KCNJ3: variants seen among roughly 807,000 people sequenced by gnomAD.
KCNJ3 encodes the protein potassium inwardly rectifying channel subfamily J member 3, also known as G protein-activated inward rectifier potassium channel 1.
A neutral mutation model predicts 39.2 loss-of-function variants in KCNJ3; 4 were observed. That is an observed-to-expected ratio of 0.10 (90% confidence interval 0.05 to 0.23). KCNJ3 has a LOEUF of 0.23. Among genes scored for constraint, KCNJ3 ranks in the 10% least tolerant of loss-of-function variants. KCNJ3 has a pLI of 1.00. For synonymous variants in KCNJ3, 230 were observed against 237.4 expected, an observed-to-expected ratio of 0.97 and a Z score of 0.29; for missense variants, 276 against 634.9, an observed-to-expected ratio of 0.43 and a Z score of 6.08.
At chr2:154,842,881 C>G (rs1304747513) in intron 2 of KCNJ3, among the ~76,000 whole-genome samples, 1 of 152,124 alleles carries the variant, frequency 6.6e-6, no homozygotes, top group Non-Finnish European at 1.5e-5. Context: ...TGCGTCTTGA[C>G]TCTTTATCCA....
chr2:154,786,957 A>T (rs1187172091), intron 2 of KCNJ3, among the ~76,000 whole-genome samples: 1 of 152,184 alleles, frequency 6.6e-6, no homozygotes, highest in African/African-American at 2.4e-5. Flanking sequence ...TTAATTTGTT[A>T]TTCTAAAATT....
At chr2:154,815,367 G>A (rs1443230052) in intron 2 of KCNJ3, among the ~76,000 whole-genome samples, 1 of 152,088 alleles carries the variant, frequency 6.6e-6, no homozygotes, top group Non-Finnish European at 1.5e-5. Context: ...ATCAATAATT[G>A]GTAATAGCAA....
At chr2:154,824,409 A>G (rs1201372206) in intron 2 of KCNJ3, among the ~76,000 whole-genome samples, 1 of 152,168 alleles carries the variant, frequency 6.6e-6, no homozygotes, top group Non-Finnish European at 1.5e-5. Context: ...TTTTATTAAT[A>G]TTTATTCTTG....
chr2:154,724,002 G>A (rs190361634), intron 2 of KCNJ3, among the ~76,000 whole-genome samples: 103 of 152,094 alleles, frequency 6.8e-4, no homozygotes, highest in African/African-American at 1.9e-3. Context: ...TTTGTATTTC[G>A]TAATTTAAAA....
At chr2:154,723,149 G>A (rs1685293140) in intron 2 of KCNJ3, among the ~76,000 whole-genome samples, 1 of 152,070 alleles carries the variant, frequency 6.6e-6, no homozygotes, top group Non-Finnish European at 1.5e-5. Context: ...GTGGGATGTG[G>A]TGGCACGTGC....
chr2:154,850,350 T>G (rs1687737927), intron 2 of KCNJ3, among the ~76,000 whole-genome samples: 1 of 152,214 alleles, frequency 6.6e-6, no homozygotes, highest in Non-Finnish European at 1.5e-5. Context: ...ATTCTAATTC[T>G]AGAAGGAAGA....
chr2:154,739,110 G>A (rs1685598496), intron 2 of KCNJ3, among the ~76,000 whole-genome samples: 1 of 152,002 alleles, frequency 6.6e-6, no homozygotes, highest in Admixed American at 6.6e-5. Flanking sequence ...TTGTGGGGGT[G>A]GGTAGATCCT....
At chr2:154,790,557 C>A (rs1385018904) in intron 2 of KCNJ3, among the ~76,000 whole-genome samples, 2 of 152,106 alleles carry the variant, frequency 1.3e-5, no homozygotes, top group East Asian at 3.9e-4. Context: ...GCATGTCTCT[C>A]ATTTCTCACT....
chr2:154,821,533 G>A (rs961445465), intron 2 of KCNJ3, among the ~76,000 whole-genome samples: 3 of 151,864 alleles, frequency 2.0e-5, no homozygotes, highest in East Asian at 1.9e-4. Context: ...CTTTCCTTGG[G>A]ATGGCTTTCT....
At chr2:154,834,546 G>A (rs1687416167) in intron 2 of KCNJ3, among the ~76,000 whole-genome samples, 1 of 151,966 alleles carries the variant, frequency 6.6e-6, no homozygotes, top group Admixed American at 6.6e-5. Context: ...TGGCTAACAT[G>A]GTGAAACGCC....
At chr2:154,739,509 A>C (rs1685606908) in intron 2 of KCNJ3, among the ~76,000 whole-genome samples, 1 of 151,866 alleles carries the variant, frequency 6.6e-6, no homozygotes. Context: ...CCTTATTACC[A>C]CTTGGGGAAG....
intron 2 of KCNJ3, among the ~76,000 whole-genome samples, chr2:154,760,895 C>T (rs1172089522): frequency 6.6e-6 from 1 of 151,254 alleles, no homozygotes; most frequent in African/African-American, 2.4e-5. Context: ...CGCCACCACA[C>T]CCAGCTAATT....
In KCNJ3 at chr2:154,699,348, C is replaced by G. The variant is rs760175028; in HGVS notation, c.573C>G (p.Ala191=). The G allele has an allele frequency of 2.0e-5, 33 of 1,613,164 alleles. No homozygotes were observed. Among genetic ancestry groups the G allele is most frequent in the Non-Finnish European group, 2.6e-5 (31 of 1,180,040 alleles). The change falls in exon 1 of 3, where the codon GCC becomes GCG. Residue 191 remains alanine (A), a synonymous_variant. Transcript: ENST00000295101. The surrounding 1 kb of genome is among the most constrained non-coding windows in gnomAD (Gnocchi z 6.4). Reference sequence around the variant, plus strand: ...AGATGTCCCAGCCCAAGAAGCGCGCCGAGACCCTCATGTTCAGCGAGCACG... The same window carrying G: ...AGATGTCCCAGCCCAAGAAGCGCGCGGAGACCCTCATGTTCAGCGAGCACG... ...FIKMSQPKKR[A]ETLMFSEHAV... is the part of the protein sequence containing the mutation.
At chr2:154,748,616 T>A (rs1685785802) in intron 2 of KCNJ3, among the ~76,000 whole-genome samples, 1 of 151,932 alleles carries the variant, frequency 6.6e-6, no homozygotes, top group African/African-American at 2.4e-5. Flanking sequence ...TAAATATGAG[T>A]GAACTGAACA....
At chr2:154,714,154 A>G (rs1685145725) in intron 2 of KCNJ3, among the ~76,000 whole-genome samples, 1 of 152,100 alleles carries the variant, frequency 6.6e-6, no homozygotes, top group African/African-American at 2.4e-5. Flanking sequence ...GCTTTCCACC[A>G]CCTATGACTC....
In KCNJ3 at chr2:154,768,938, T is replaced by C. The variant is rs536106108; in HGVS notation, c.919+59119T>C. The stretch of plus-strand genomic sequence containing the variant: ...GTTGGATTCCTAGGTATTTTATTCT[T>C]TTTGAAGTAATTGTGAATGGGAGTT... On this transcript the variant is annotated intron_variant, in intron 2 of 2. Coordinates refer to ENST00000295101, the MANE Select transcript of KCNJ3 (RefSeq NM_002239.4). Among the ~76,000 whole-genome samples the C allele has an allele frequency of 3.0e-3, 456 of 152,280 alleles. 3 individuals carry two copies. The highest frequency in any genetic ancestry group is 0.01 in the African/African-American group (417 of 41,564).
intron 2 of KCNJ3, among the ~76,000 whole-genome samples, chr2:154,767,234 G>A (rs772510326): frequency 1.3e-4 from 19 of 151,768 alleles, no homozygotes; most frequent in Non-Finnish European, 2.1e-4. Context: ...TGTGCACAAC[G>A]TGTAGGTTTG....
intron 2 of KCNJ3, among the ~76,000 whole-genome samples, chr2:154,725,843 A>G (rs1685345723): frequency 6.6e-6 from 1 of 152,276 alleles, no homozygotes; most frequent in African/African-American, 2.4e-5. Context: ...AAACAAAAAC[A>G]AAACATAAAT....
intron 2 of KCNJ3, among the ~76,000 whole-genome samples, chr2:154,821,981 A>T (rs958796304): frequency 1.9e-4 from 29 of 151,980 alleles, no homozygotes; most frequent in Middle Eastern, 3.4e-3. Context: ...ATCTGTTGAC[A>T]GCAGAACTAC....
Sources: allele counts gnomAD v4.1 joint callset (sites outside exome capture counted in the v4.1 genomes callset), GRCh38; gene constraint gnomAD v4.1.1; non-coding constraint Gnocchi (gnomAD v3.1); transcripts MANE v1.5; gene names NCBI Gene and HGNC (gene_info 2026-07-23, HGNC 2026-07-21).